Variants in MYOM1 observed in about 807,000 individuals in gnomAD.
MYOM1 encodes the protein myomesin 1, also known as myomesin-1.
A neutral mutation model predicts 205.3 loss-of-function variants in MYOM1; 164 were observed. That is an observed-to-expected ratio of 0.80 (90% CI 0.70 to 0.91). MYOM1 has a LOEUF of 0.91. Among genes scored for constraint, MYOM1 ranks in the 40% least tolerant of loss-of-function variants. The pLI, the probability that MYOM1 is intolerant of heterozygous loss-of-function variation, is 0.00. For synonymous variants in MYOM1, 772 were observed against 789.4 expected, an observed-to-expected ratio of 0.98 and a Z score of 0.37; for missense variants, 2,011 against 2,127.3, an observed-to-expected ratio of 0.95 and a Z score of 1.08.
rs1472185908 is a variant in MYOM1, at chr18:3,173,939, G to T, written c.1173C>A (p.Ser391Arg). ...FHAGASTMPLSFGVTPYGYAS... is the reference protein window; with the variant it reads ...FHAGASTMPLRFGVTPYGYAS... ...TAGTAAATGTGTTTTTAAACTTACA[G>T]CTGAGGGGCATGGTGGAAGCCCCAG... Residue 391 changes from serine (S) to arginine (R), a missense_variant and splice_region_variant, in exon 8 of 38, where the codon AGC (serine) becomes AGA (arginine). Physicochemically the swap from Ser to Arg is moderately radical, Grantham distance 110. Coordinates refer to ENST00000356443, the MANE Select transcript of MYOM1 (RefSeq NM_003803.4). 6.2e-7 allele frequency: 1 copy of T among 1,613,188 alleles called. No individual in the cohort carries two copies. Among genetic ancestry groups the T allele is most frequent in the Non-Finnish European group, 8.5e-7 (1 of 1,179,230 alleles).
At chr18:3,186,980 A>G (rs1339834282) in intron 5 of MYOM1, among the ~76,000 whole-genome samples, 2 of 151,490 alleles carry the variant, frequency 1.3e-5, no homozygotes, top group Non-Finnish European at 2.9e-5. Flanking sequence ...AAGAAAGAAG[A>G]AAGAAAAAAA....
the MYOM1 span, among the ~76,000 whole-genome samples, chr18:3,230,597 C>T: frequency 6.6e-6 from 1 of 152,174 alleles, no homozygotes; most frequent in Non-Finnish European, 1.5e-5. Flanking sequence ...TAGGGTGTAA[C>T]TTTGTAACCT....
At chr18:3,195,343 T>G (rs1906612416) in intron 2 of MYOM1, among the ~76,000 whole-genome samples, 1 of 152,218 alleles carries the variant, frequency 6.6e-6, no homozygotes, top group Admixed American at 6.5e-5. Flanking sequence ...AACTTTGAAT[T>G]TAAGCTTGTG....
At chr18:3,087,457 C>T (rs1460625375) in intron 29 of MYOM1, among the ~76,000 whole-genome samples, 2 of 151,482 alleles carry the variant, frequency 1.3e-5, no homozygotes, top group African/African-American at 4.9e-5. Flanking sequence ...GAGGAAGGTC[C>T]CAGTGTGCAA....
rs186213327 is a variant in MYOM1, at chr18:3,180,989, C to T, written c.930-4855G>A. Among the ~76,000 whole-genome samples the T allele has an allele frequency of 3.6e-3, 538 of 151,482 alleles. 1 individual carries two copies. Among genetic ancestry groups the T allele is most frequent in the African/African-American group, 0.013 (521 of 41,150 alleles). ...TCACCCAGGCTGAAGAGCAGTGGCACGATCTGTGCTCACTGCAACCTCCGC... is the reference window on the plus strand; with the variant it reads ...TCACCCAGGCTGAAGAGCAGTGGCATGATCTGTGCTCACTGCAACCTCCGC... On this transcript the variant is annotated intron_variant, in intron 5 of 37. Coordinates refer to ENST00000356443, the MANE Select transcript of MYOM1 (RefSeq NM_003803.4).
chr18:3,202,576 A>G lies in MYOM1; in HGVS notation c.291-8618T>C, dbSNP rs538451236. Reference sequence around the variant, plus strand: ...AATATTATTAGAGACAAAGAGGAATATTTCATATGATAAAATGGTCAATTT... The same window carrying G: ...AATATTATTAGAGACAAAGAGGAATGTTTCATATGATAAAATGGTCAATTT... On this transcript the variant is annotated intron_variant, in intron 2 of 37. Coordinates refer to ENST00000356443, the MANE Select transcript of MYOM1 (RefSeq NM_003803.4). Among the ~76,000 whole-genome samples the G allele has an allele frequency of 1.1e-4, 17 of 152,322 alleles. No homozygotes were observed. The East Asian group carries it at 3.3e-3, about 29-fold the overall frequency.
At chr18:3,126,264 CAAA>C (rs575517054) in intron 19 of MYOM1, among the ~76,000 whole-genome samples, 16 of 65,078 alleles carry the variant, frequency 2.5e-4, no homozygotes, top group East Asian at 7.4e-4. Flanking sequence ...GACTTCATCT[CAAA>C]AAAAAAAAAA....
chr18:3,157,132 C>G (rs992473621), intron 10 of MYOM1, among the ~76,000 whole-genome samples: 21 of 152,118 alleles, frequency 1.4e-4, no homozygotes, highest in Admixed American at 1.3e-4. Flanking sequence ...ACCAGGAGCC[C>G]CTGCATTGAT....
In MYOM1 at chr18:3,100,194, C is replaced by T. The variant is rs756213299; in HGVS notation, c.3692G>A (p.Arg1231His). The T allele has an allele frequency of 1.7e-5, 27 of 1,613,668 alleles. No homozygotes were observed. The highest frequency in any genetic ancestry group is 4.4e-5 in the South Asian group (4 of 91,082). Reference protein sequence around the residue: ...SYLIDEEELKRLLALSHEHKF... With the variant: ...SYLIDEEELKHLLALSHEHKF... ...GTGTTCATGGCTGAGAGCAAGTAAACGTTTCAATTCTGTAGGGGGAAAAAG... is the reference window on the plus strand; with the variant it reads ...GTGTTCATGGCTGAGAGCAAGTAAATGTTTCAATTCTGTAGGGGGAAAAAG... The change falls in exon 25 of 38, where the codon CGT becomes CAT. Residue 1231 changes from arginine (R) to histidine (H), a missense_variant. Physicochemically the swap from Arg to His is conservative, Grantham distance 29 (BLOSUM62 0). Transcript: ENST00000356443.
intron 8 of MYOM1, among the ~76,000 whole-genome samples, chr18:3,173,409 C>T (rs2080588300): frequency 6.6e-6 from 1 of 152,114 alleles, no homozygotes; most frequent in Non-Finnish European, 1.5e-5. Context: ...CAGTGTACAG[C>T]CTCACTGACG....
chr18:3,093,060 G>A (rs772430901), intron 26 of MYOM1, among the ~76,000 whole-genome samples: 1 of 152,112 alleles, frequency 6.6e-6, no homozygotes, highest in Non-Finnish European at 1.5e-5. Context: ...GAGACGGGTC[G>A]CAGTGGACAC....
chr18:3,106,122 C>A lies in MYOM1; in HGVS notation c.3419-3492G>T, dbSNP rs542896936. On this transcript the variant is annotated intron_variant, in intron 22 of 37. Transcript: ENST00000356443. ...CATCATATTAGGTATTGTAAGTAAG[C>A]TAGAGATGATTTAAAGTATAAAGGA... is the stretch of plus-strand genomic sequence containing the variant. Among the ~76,000 whole-genome samples the A allele has an allele frequency of 1.1e-4, 17 of 152,228 alleles. No individual in the cohort carries two copies. The South Asian group carries it at 3.1e-3, about 28-fold the overall frequency.
chr18:3,237,960 A>G, the MYOM1 span, among the ~76,000 whole-genome samples: 1 of 152,148 alleles, frequency 6.6e-6, no homozygotes, highest in African/African-American at 2.4e-5. Context: ...GAGGAAGACG[A>G]TATTTCCAGG....
chr18:3,236,958 A>G, the MYOM1 span, among the ~76,000 whole-genome samples: 1 of 152,188 alleles, frequency 6.6e-6, no homozygotes, highest in African/African-American at 2.4e-5. Context: ...AGAAGAAGGT[A>G]TTTCAAAGGT....
chr18:3,128,458 A>G (rs1019157475), intron 18 of MYOM1, among the ~76,000 whole-genome samples: 19 of 152,246 alleles, frequency 1.2e-4, no homozygotes, highest in African/African-American at 4.6e-4. Context: ...AAATATCCTA[A>G]TCAGATCATT....
At chr18:3,075,935 A>C (rs894220015) in intron 34 of MYOM1, among the ~76,000 whole-genome samples, 174 bp from the exon 35 acceptor site, 1 of 152,228 alleles carries the variant, frequency 6.6e-6, no homozygotes, top group Non-Finnish European at 1.5e-5. Flanking sequence ...TAACAAGGCC[A>C]GGAAATACAT....
chr18:3,102,710 C>A, intron 22 of MYOM1, 80 bp from the exon 23 acceptor site: 1 of 1,473,034 alleles, frequency 6.8e-7, no homozygotes, highest in Admixed American at 1.9e-5. Context: ...AGATTCTTTA[C>A]TTTAACCCTA....
At position 3,203,903 on chromosome 18, in the gene MYOM1, A is replaced by G. The variant is rs2081098429; in HGVS notation, c.291-9945T>C. 2.0e-5 allele frequency among the ~76,000 whole-genome samples: 3 copies of G among 152,070 alleles called. No homozygotes were observed. In the South Asian group the frequency reaches 6.2e-4, roughly 31 times the overall value. ...AAATATTAAGAAATGGAATCCAGCAACATATAAAACCAAGTGAAGATTACC... is the reference window on the plus strand; with the variant it reads ...AAATATTAAGAAATGGAATCCAGCAGCATATAAAACCAAGTGAAGATTACC... On this transcript the variant is annotated intron_variant, in intron 2 of 37. Coordinates refer to ENST00000356443, the MANE Select transcript of MYOM1 (RefSeq NM_003803.4).
In MYOM1 at chr18:3,148,671, T is replaced by C. The variant is rs531373616; in HGVS notation, c.1900+474A>G. Among the ~76,000 whole-genome samples the C allele has an allele frequency of 6.5e-4, 98 of 151,184 alleles. 2 individuals carry two copies. Among genetic ancestry groups the C allele is most frequent in the South Asian group, 4.6e-3 (22 of 4,762 alleles). Reference sequence around the variant, plus strand: ...GACCATCCTGGCTAACACGGTGAAATCCCGTCTCTACTAAAAATACAAAAA... The same window carrying C: ...GACCATCCTGGCTAACACGGTGAAACCCCGTCTCTACTAAAAATACAAAAA... On this transcript the variant is annotated intron_variant, in intron 13 of 37. Coordinates refer to ENST00000356443, the MANE Select transcript of MYOM1 (RefSeq NM_003803.4).
Sources: gnomAD v4.1 joint callset for allele counts (sites outside exome capture counted in the v4.1 genomes callset) on GRCh38, gnomAD v4.1.1 for gene constraint, MANE v1.5 for transcripts, NCBI Gene and HGNC (gene_info 2026-07-23, HGNC 2026-07-21) for gene names.